Variants in FREM3 observed in about 807,000 individuals in gnomAD.
The protein encoded by FREM3 is FRAS1-related extracellular matrix protein 3.
Under a neutral mutation model 129.1 loss-of-function variants are expected in FREM3, and 105 were observed. That is an observed-to-expected ratio of 0.81 (90% CI 0.69 to 0.96). The LOEUF (loss-of-function observed/expected upper bound fraction) is 0.96, where lower values mean the gene tolerates loss of function less well. FREM3 is among the 40% of genes least tolerant of loss of function. The pLI, the probability that FREM3 is intolerant of heterozygous loss-of-function variation, is 0.00. For missense variants in FREM3, 2,593 were observed against 2,666.3 expected (o/e 0.97, Z 0.61); for synonymous variants, 1,014 against 1,044.9 (o/e 0.97, Z 0.57).
rs147619606 is a variant in FREM3, at chr4:143,597,724, A to T, written c.6029-11731T>A. On this transcript the variant is annotated intron_variant, in intron 6 of 7. Transcript: ENST00000329798. ...ATAAACTTAACTAAGGCAGGGAAAG[A>T]CTTGTACACTGCACTGAAAACTACA... Among the ~76,000 whole-genome samples the T allele has an allele frequency of 6.6e-3, 1,005 of 152,364 alleles. 12 individuals carry two copies. Among genetic ancestry groups the T allele is most frequent in the African/African-American group, 0.023 (958 of 41,580 alleles).
intron 2 of FREM3, among the ~76,000 whole-genome samples, chr4:143,655,403 G>A (rs1015413576): frequency 6.6e-6 from 1 of 152,116 alleles, no homozygotes; most frequent in Non-Finnish European, 1.5e-5. Context: ...GGCTACACAC[G>A]ACAAAATGAG....
At chr4:143,662,428 TTTGA>T (rs1208805779) in intron 2 of FREM3, among the ~76,000 whole-genome samples, 2 of 152,310 alleles carry the variant, frequency 1.3e-5, no homozygotes, top group East Asian at 3.9e-4. Flanking sequence ...TGAGTAGTAG[TTTGA>T]TTGCACTGTG....
In FREM3 at chr4:143,639,327, G is replaced by A. The variant is rs1052292092; in HGVS notation, c.5276-11567C>T. Among the ~76,000 whole-genome samples the A allele has an allele frequency of 3.3e-5, 5 of 152,254 alleles. No individual in the cohort carries two copies. The East Asian group carries it at 9.7e-4, about 29-fold the overall frequency. ...CTTGACATACGGGCAGTGTCAGCAT[G>A]TCGTGGGAACAGAACTGGACTGAGT... On this transcript the variant is annotated intron_variant, in intron 2 of 7. Transcript: ENST00000329798.
chr4:143,590,648 T>C (rs1347044922), intron 6 of FREM3, among the ~76,000 whole-genome samples: 1 of 152,264 alleles, frequency 6.6e-6, no homozygotes. Flanking sequence ...GCCAGTATTT[T>C]ATTGAGGATT....
chr4:143,661,900 A>C (rs1438148153), intron 2 of FREM3, among the ~76,000 whole-genome samples: 1 of 152,026 alleles, frequency 6.6e-6, no homozygotes, highest in Non-Finnish European at 1.5e-5. Context: ...GTATTCTCTG[A>C]TGATAGTTTG....
At chr4:143,644,892 T>C (rs1360778172) in intron 2 of FREM3, among the ~76,000 whole-genome samples, 1 of 152,202 alleles carries the variant, frequency 6.6e-6, no homozygotes, top group East Asian at 1.9e-4. Flanking sequence ...GAAGAAGTTA[T>C]AGATTGAGGA....
Position 143,699,668 on chromosome 4 carries a change from C to G in FREM3, c.1008G>C (p.Glu336Asp). The G allele has an allele frequency of 6.5e-7, 1 of 1,528,966 alleles. No individual in the cohort carries two copies. The highest frequency in any genetic ancestry group is 8.8e-7 in the Non-Finnish European group (1 of 1,142,134). The allele number at this position is 1,528,966 out of a possible 1,614,324, so 94.7% of individuals were successfully genotyped here. ...TGAACACCAGGTCACCAGGGTCTGA[C>G]TCGACGTCCTCCGCGGCCAGTGCGT... ...TPDALAAEDVESDPGDLVFNI... is the reference protein window; with the variant it reads ...TPDALAAEDVDSDPGDLVFNI... The change falls in exon 1 of 8, where the codon GAG becomes GAC. Residue 336 changes from glutamate (E) to aspartate (D), a missense_variant. Physicochemically the swap from Glu to Asp is conservative, Grantham distance 45. Coordinates refer to ENST00000329798, the MANE Select transcript of FREM3 (RefSeq NM_001168235.2). This position sits in a 1 kb window ranked among gnomAD's most constrained non-coding sequence, Gnocchi z 4.2.
Position 143,696,347 on chromosome 4 carries a change from G to C in FREM3, c.4329C>G (p.Thr1443=), listed in dbSNP as rs1249683744. The C allele has an allele frequency of 3.3e-6, 5 of 1,537,154 alleles. No individual in the cohort carries two copies. The highest frequency in any genetic ancestry group is 4.4e-6 in the Non-Finnish European group (5 of 1,146,934). ...TGTTGGTAAGCAGATTGTTGGTAAGGGTCACTCTGGCACCTTCTATCAAGG... is the reference window on the plus strand; with the variant it reads ...TGTTGGTAAGCAGATTGTTGGTAAGCGTCACTCTGGCACCTTCTATCAAGG... ...RITLIEGARV[T]LTNNLLTNSD... is the part of the protein sequence containing the mutation. Residue 1443 remains threonine, a synonymous_variant, in exon 1 of 8, where the codon ACC becomes ACG. Transcript: ENST00000329798.
intron 2 of FREM3, among the ~76,000 whole-genome samples, chr4:143,652,203 C>T (rs1478810754): frequency 3.0e-5 from 1 of 33,476 alleles, no homozygotes; most frequent in East Asian, 3.5e-3. Flanking sequence ...TCGCCCAGGC[C>T]GGACTGCGGA....
intron 5 of FREM3, among the ~76,000 whole-genome samples, chr4:143,613,502 G>C (rs1738795618): frequency 1.3e-5 from 2 of 152,164 alleles, no homozygotes; most frequent in African/African-American, 4.8e-5. Context: ...CAGTTAAATG[G>C]GGAAAGAGGT....
chr4:143,587,712 A>G (rs1738266505), intron 6 of FREM3, among the ~76,000 whole-genome samples: 1 of 150,796 alleles, frequency 6.6e-6, no homozygotes, highest in African/African-American at 2.4e-5. Context: ...GTTTTGGAAG[A>G]TGGAAGAAAA....
At position 143,633,036 on chromosome 4, in the gene FREM3, G is replaced by A. The variant is rs567345315; in HGVS notation, c.5276-5276C>T. On this transcript the variant is annotated intron_variant, in intron 2 of 7. Transcript: ENST00000329798. ...TGTAGCTTGAGACTTTGATTTAAAA[G>A]TGTACAATGTGAGGAGGCTGCAGGT... is the stretch of plus-strand genomic sequence containing the variant. Among the ~76,000 whole-genome samples the A allele has an allele frequency of 7.3e-5, 11 of 151,468 alleles. No individual in the cohort carries two copies. The South Asian group carries it at 2.3e-3, about 31-fold the overall frequency.
intron 5 of FREM3, among the ~76,000 whole-genome samples, chr4:143,617,051 C>T (rs1368978008): frequency 6.6e-6 from 1 of 152,154 alleles, no homozygotes; most frequent in Non-Finnish European, 1.5e-5. Flanking sequence ...TATTCATTGG[C>T]TGTTCCTCCA....
At chr4:143,613,698 G>A (rs759373281) in intron 5 of FREM3, among the ~76,000 whole-genome samples, 1 of 152,166 alleles carries the variant, frequency 6.6e-6, no homozygotes, top group Non-Finnish European at 1.5e-5. Flanking sequence ...CTATACCTTT[G>A]GAGAACACAG....
At chr4:143,603,154 C>G (rs1262419235) in intron 6 of FREM3, among the ~76,000 whole-genome samples, 1 of 152,074 alleles carries the variant, frequency 6.6e-6, no homozygotes. Flanking sequence ...TCTTGTGGGT[C>G]TGCATCCTGT....
At chr4:143,690,441 T>C (rs957777437) in intron 2 of FREM3, among the ~76,000 whole-genome samples, 1 of 152,190 alleles carries the variant, frequency 6.6e-6, no homozygotes, top group Non-Finnish European at 1.5e-5. Context: ...AGCTGCAGCA[T>C]ACACCTAATG....
chr4:143,618,654 G>T (rs1236762124), intron 5 of FREM3, among the ~76,000 whole-genome samples: 2 of 152,274 alleles, frequency 1.3e-5, no homozygotes, highest in Non-Finnish European at 1.5e-5. Context: ...AGCACCTTGG[G>T]AAGCCAAGTC....
intron 2 of FREM3, among the ~76,000 whole-genome samples, chr4:143,683,416 A>G (rs891411511): frequency 6.6e-6 from 1 of 152,218 alleles, no homozygotes; most frequent in African/African-American, 2.4e-5. Flanking sequence ...CCATTGGAGA[A>G]GCTGAAGGTC....
chr4:143,588,052 C>T (rs547321851), intron 6 of FREM3, among the ~76,000 whole-genome samples: 1 of 152,280 alleles, frequency 6.6e-6, no homozygotes, highest in South Asian at 2.1e-4. Context: ...TCCACCAAAG[C>T]AGCCAACCAG....
Sources: gnomAD v4.1 joint callset for allele counts (sites outside exome capture counted in the v4.1 genomes callset) on GRCh38, gnomAD v4.1.1 for gene constraint, Gnocchi (gnomAD v3.1) non-coding constraint, MANE v1.5 for transcripts, NCBI Gene and HGNC (gene_info 2026-07-23, HGNC 2026-07-21) for gene names.